CDH9: variants seen among roughly 807,000 people sequenced by gnomAD.
The protein encoded by CDH9 is cadherin 9.
CDH9 carries 28 observed loss-of-function variants against 70.9 expected under a neutral mutation model. The observed-to-expected ratio is 0.40, with a 90% confidence interval of 0.29 to 0.54. The LOEUF is 0.54. Ranked by LOEUF, CDH9 falls within the 20% of genes least tolerant of loss-of-function variation. CDH9 has a pLI of 0.59. For missense variants in CDH9, 874 were observed against 984.4 expected, an observed-to-expected ratio of 0.89 and a Z score of 1.50; for synonymous variants, 409 against 343.1, an observed-to-expected ratio of 1.19 and a Z score of -2.12.
At chr5:26,932,283 CA>C (rs1342103058) in intron 2 of CDH9, among the ~76,000 whole-genome samples, 1 of 151,196 alleles carries the variant, frequency 6.6e-6, no homozygotes, top group Non-Finnish European at 1.5e-5. Flanking sequence ...AAATATCTTT[CA>C]AAAAATTATT....
intron 2 of CDH9, among the ~76,000 whole-genome samples, chr5:26,924,197 G>T (rs1442084672): frequency 6.6e-6 from 1 of 151,612 alleles, no homozygotes; most frequent in Non-Finnish European, 1.5e-5. Flanking sequence ...AAGTAAAATC[G>T]AAGATAAAAA....
chr5:27,031,486 T>C (rs1325863786), intron 1 of CDH9, among the ~76,000 whole-genome samples: 1 of 151,914 alleles, frequency 6.6e-6, no homozygotes, highest in Non-Finnish European at 1.5e-5. Context: ...CATTGCAATA[T>C]AAATATAAGA....
In CDH9 at chr5:26,937,725, G is replaced by T. The variant is rs11948787; in HGVS notation, c.229-21801C>A. Among the ~76,000 whole-genome samples, 492 of 152,158 alleles carry T rather than the reference G, an allele frequency of 3.2e-3. 4 individuals carry two copies. Among genetic ancestry groups the T allele is most frequent in the African/African-American group, 0.012 (478 of 41,522 alleles). ...AAGACAAAGAAGCTAGTCTGAAAAA[G>T]ACTATATACCATAGGATTCTAATTA... On this transcript the variant is annotated intron_variant, in intron 2 of 11. Coordinates refer to ENST00000231021, the MANE Select transcript of CDH9 (RefSeq NM_016279.4).
chr5:26,925,898 A>C (rs994629705), intron 2 of CDH9, among the ~76,000 whole-genome samples: 1 of 152,114 alleles, frequency 6.6e-6, no homozygotes, highest in Non-Finnish European at 1.5e-5. Context: ...AACAGCCTTC[A>C]TGCTAAAAAC....
At chr5:27,035,441 T>C (rs1030814651) in intron 1 of CDH9, among the ~76,000 whole-genome samples, 6 of 151,726 alleles carry the variant, frequency 4.0e-5, no homozygotes, top group Admixed American at 2.0e-4. Flanking sequence ...ACATGTTTTA[T>C]GTTCTACAAT....
chr5:26,884,340 A>T (rs534006619), intron 11 of CDH9, among the ~76,000 whole-genome samples: 24 of 152,312 alleles, frequency 1.6e-4, no homozygotes, highest in African/African-American at 5.1e-4. Context: ...TAGAAATTTT[A>T]AAAATGATCT....
At chr5:27,010,493 T>C (rs1457459556) in intron 1 of CDH9, among the ~76,000 whole-genome samples, 1 of 152,148 alleles carries the variant, frequency 6.6e-6, no homozygotes, top group Non-Finnish European at 1.5e-5. Context: ...CAAAAGACTT[T>C]CTAAACTTAT....
At chr5:26,937,203 A>T (rs140841301) in intron 2 of CDH9, among the ~76,000 whole-genome samples, 1,958 of 152,282 alleles carry the variant, frequency 0.013, 21 homozygotes, top group Non-Finnish European at 0.018. Context: ...CAATTAGAAA[A>T]TGGCTAAAGA....
intron 1 of CDH9, among the ~76,000 whole-genome samples, chr5:27,023,215 A>T (rs185254892): frequency 6.6e-6 from 1 of 152,202 alleles, no homozygotes; most frequent in Non-Finnish European, 1.5e-5. Flanking sequence ...ATTCCACCAC[A>T]TACAATTTGG....
intron 9 of CDH9, 86 bp downstream of exon 9, chr5:26,889,750 G>T: frequency 7.8e-6 from 6 of 772,954 alleles, no homozygotes; most frequent in Non-Finnish European, 1.0e-5. Flanking sequence ...CTGCACAAAA[G>T]AAATCCTGCA....
intron 2 of CDH9, among the ~76,000 whole-genome samples, chr5:26,961,579 T>C (rs527309015): frequency 2.6e-5 from 4 of 152,278 alleles, no homozygotes; most frequent in South Asian, 4.1e-4. Flanking sequence ...AGGATACCTA[T>C]ATTCTATCAC....
chr5:26,900,309 AGCATATTATATATCCTACT>A (rs1471092496), intron 7 of CDH9, among the ~76,000 whole-genome samples: 1 of 152,094 alleles, frequency 6.6e-6, no homozygotes, highest in African/African-American at 2.4e-5. Context: ...AAAATTAAAG[AGCATATTATATATCCTACT>A]GTATTCTATG....
At chr5:26,935,900 C>T (rs1017384674) in intron 2 of CDH9, among the ~76,000 whole-genome samples, 1 of 152,036 alleles carries the variant, frequency 6.6e-6, no homozygotes, top group East Asian at 1.9e-4. Context: ...TATATATATA[C>T]CATGGACTAC....
chr5:26,929,074 A>C (rs1462655791), intron 2 of CDH9, among the ~76,000 whole-genome samples: 1 of 151,996 alleles, frequency 6.6e-6, no homozygotes, highest in Non-Finnish European at 1.5e-5. Context: ...AATGAGAAAA[A>C]ATGCAAACTA....
intron 4 of CDH9, among the ~76,000 whole-genome samples, chr5:26,906,513 G>A (rs1479717535): frequency 1.3e-5 from 2 of 151,996 alleles, no homozygotes; most frequent in Non-Finnish European, 2.9e-5. Flanking sequence ...TAAACCCAAT[G>A]AATAATAGTT....
At chr5:26,953,721 C>G (rs1012243103) in intron 2 of CDH9, among the ~76,000 whole-genome samples, 1 of 152,114 alleles carries the variant, frequency 6.6e-6, no homozygotes, top group South Asian at 2.1e-4. Context: ...TCAGAAAGTT[C>G]TGTATCTTAA....
intron 1 of CDH9, among the ~76,000 whole-genome samples, chr5:26,990,781 C>T (rs1742567025): frequency 6.6e-6 from 1 of 152,134 alleles, no homozygotes; most frequent in Non-Finnish European, 1.5e-5. Context: ...ACTGGTTACC[C>T]TGGTTTCTTC....
At chr5:27,035,831 G>A (rs1170734416) in intron 1 of CDH9, among the ~76,000 whole-genome samples, 1 of 151,546 alleles carries the variant, frequency 6.6e-6, no homozygotes, top group Non-Finnish European at 1.5e-5. Flanking sequence ...ATGTGCCTTT[G>A]AGTGAGCAAA....
chr5:26,947,691 G>A (rs1418192178), intron 2 of CDH9, among the ~76,000 whole-genome samples: 3 of 152,088 alleles, frequency 2.0e-5, no homozygotes, highest in Admixed American at 6.6e-5. Flanking sequence ...GCTCTATTAC[G>A]AAGAAATGCT....
Sources: gnomAD v4.1 joint callset for allele counts (sites outside exome capture counted in the v4.1 genomes callset) on GRCh38, gnomAD v4.1.1 for gene constraint, MANE v1.5 for transcripts, NCBI Gene and HGNC (gene_info 2026-07-23, HGNC 2026-07-21) for gene names.